Variants in RELN observed in about 807,000 individuals in gnomAD.
RELN encodes reelin.
A neutral mutation model predicts 427.6 loss-of-function variants in RELN; 108 were observed. The ratio of observed to expected loss-of-function variants is 0.25; its 90% confidence interval spans 0.22 to 0.30. RELN has a LOEUF of 0.30. Ranked by LOEUF, RELN falls within the 10% of genes least tolerant of loss-of-function variation. The pLI is 1.00. For missense variants in RELN, 3,715 were observed against 4,302.8 expected (o/e 0.86, Z 3.82); for synonymous variants, 1,524 against 1,513.4 (o/e 1.01, Z -0.16).
At chr7:103,970,434 C>T (rs1796740592) in intron 1 of RELN, among the ~76,000 whole-genome samples, 1 of 152,178 alleles carries the variant, frequency 6.6e-6, no homozygotes, top group African/African-American at 2.4e-5. Flanking sequence ...CATGAGCCAC[C>T]ACTCCCGGCC....
At chr7:103,542,580 G>A (rs1562881212) in intron 43 of RELN, 151 bp downstream of exon 43, 3 of 733,414 alleles carry the variant, frequency 4.1e-6, no homozygotes, top group Admixed American at 2.6e-5. Flanking sequence ...TGTAACTTGT[G>A]TCTTCCTGAA....
At chr7:103,675,742 C>G (rs1316825735) in intron 11 of RELN, among the ~76,000 whole-genome samples, 1 of 152,200 alleles carries the variant, frequency 6.6e-6, no homozygotes, top group African/African-American at 2.4e-5. Context: ...CACACATCTA[C>G]AACCATCTGG....
At chr7:103,898,974 G>A (rs1187823663) in intron 2 of RELN, among the ~76,000 whole-genome samples, 1 of 151,926 alleles carries the variant, frequency 6.6e-6, no homozygotes, top group Non-Finnish European at 1.5e-5. Flanking sequence ...AGTCATGATG[G>A]ATTATTCTTT....
At chr7:103,604,980 C>G (rs1298936659) in intron 22 of RELN, among the ~76,000 whole-genome samples, 1 of 152,110 alleles carries the variant, frequency 6.6e-6, no homozygotes, top group Admixed American at 6.5e-5. Context: ...CAGGCACACA[C>G]CAACATGCCT....
At chr7:103,878,046 A>G (rs745586046) in intron 2 of RELN, among the ~76,000 whole-genome samples, 10 of 151,896 alleles carry the variant, frequency 6.6e-5, no homozygotes, top group Non-Finnish European at 1.2e-4. Flanking sequence ...TAGTAGACAT[A>G]GGGTTTTGCC....
intron 8 of RELN, among the ~76,000 whole-genome samples, chr7:103,718,855 C>T (rs1228208301): frequency 6.6e-6 from 1 of 152,024 alleles, no homozygotes; most frequent in East Asian, 1.9e-4. Flanking sequence ...CTAATGAATC[C>T]TATTAATCTG....
intron 20 of RELN, among the ~76,000 whole-genome samples, chr7:103,621,939 C>G (rs770427638): frequency 3.3e-5 from 5 of 152,142 alleles, no homozygotes; most frequent in Admixed American, 2.0e-4. Flanking sequence ...TCACTTGAAC[C>G]TGGGAGGCAG....
Position 103,651,649 on chromosome 7 carries a change from G to C in RELN, c.1892+12C>G. The C allele has an allele frequency of 6.2e-7, 1 of 1,609,550 alleles. No homozygotes were observed. Among genetic ancestry groups the C allele is most frequent in the Non-Finnish European group, 8.5e-7 (1 of 1,176,592 alleles). ...TTCAAGTATTTCAATATCTCAGAGAGAATGTACTCACCCACTGTAGTTTTC... is the reference window on the plus strand; with the variant it reads ...TTCAAGTATTTCAATATCTCAGAGACAATGTACTCACCCACTGTAGTTTTC... On this transcript the variant is annotated intron_variant, in intron 15 of 64. Coordinates refer to ENST00000428762, the MANE Select transcript of RELN (RefSeq NM_005045.4).
At chr7:103,507,808 G>T (rs1456402513) in intron 51 of RELN, among the ~76,000 whole-genome samples, 1 of 152,148 alleles carries the variant, frequency 6.6e-6, no homozygotes, top group Non-Finnish European at 1.5e-5. Flanking sequence ...AGGAAGAAAA[G>T]AGAGAAGGAT....
At chr7:103,909,811 A>G (rs1256480627) in intron 2 of RELN, among the ~76,000 whole-genome samples, 1 of 49,226 alleles carries the variant, frequency 2.0e-5, no homozygotes, top group Admixed American at 3.1e-4. Flanking sequence ...TTAATATATA[A>G]TATTATATAT....
chr7:103,757,194 G>A (rs965317622), intron 4 of RELN, among the ~76,000 whole-genome samples: 2 of 152,076 alleles, frequency 1.3e-5, no homozygotes, highest in African/African-American at 4.8e-5. Context: ...ATATGAACTT[G>A]GTATAAAGGC....
At chr7:103,898,424 C>T (rs1795009839) in intron 2 of RELN, among the ~76,000 whole-genome samples, 1 of 151,854 alleles carries the variant, frequency 6.6e-6, no homozygotes, top group Admixed American at 6.6e-5. Flanking sequence ...GATATACAAA[C>T]TGTTTGTATT....
intron 2 of RELN, among the ~76,000 whole-genome samples, chr7:103,893,205 C>A (rs1200676243): frequency 6.6e-6 from 1 of 152,072 alleles, no homozygotes; most frequent in Non-Finnish European, 1.5e-5. Flanking sequence ...AGAGCCAGAC[C>A]CCCCAGAAAT....
intron 1 of RELN, among the ~76,000 whole-genome samples, chr7:103,978,638 G>T (rs531526993): frequency 6.6e-6 from 1 of 152,150 alleles, no homozygotes; most frequent in Non-Finnish European, 1.5e-5. Flanking sequence ...AATAATTGAG[G>T]TGAATCTGAT....
At position 103,593,779 on chromosome 7, in the gene RELN, G is replaced by A. The variant is rs375784624; in HGVS notation, c.3815C>T (p.Ala1272Val). ...TCCAAATATCATTGCTGATGGTGTG[G>A]CAGCACAGAAGGTTTCATTTTTAAC... ...GMVKNETFCA[A>V]TPSAMIFGKS... Residue 1272 changes from alanine to valine, a missense_variant, in exon 27 of 65, where the codon GCC becomes GTC. Physicochemically the swap from Ala to Val is moderately conservative, Grantham distance 64. Transcript: ENST00000428762. 12 of 1,613,310 alleles carry A rather than the reference G, an allele frequency of 7.4e-6. No homozygotes were observed. The highest frequency in any genetic ancestry group is 9.3e-6 in the Non-Finnish European group (11 of 1,179,340).
At chr7:103,683,962 T>C (rs75043043) in intron 10 of RELN, among the ~76,000 whole-genome samples, 2,504 of 152,266 alleles carry the variant, frequency 0.016, 66 homozygotes, top group African/African-American at 0.056. Flanking sequence ...GAGATCAAGA[T>C]ATGATTTCTA....
intron 31 of RELN, among the ~76,000 whole-genome samples, chr7:103,570,928 C>T (rs1830868849): frequency 1.3e-5 from 2 of 152,090 alleles, no homozygotes; most frequent in Admixed American, 1.3e-4. Context: ...TCAATAAAAG[C>T]ACCTAGAACA....
At chr7:103,727,146 C>A (rs1193362614) in intron 7 of RELN, among the ~76,000 whole-genome samples, 1 of 152,056 alleles carries the variant, frequency 6.6e-6, no homozygotes, top group East Asian at 1.9e-4. Context: ...CACCCCCTGC[C>A]CCACAATTTA....
intron 1 of RELN, among the ~76,000 whole-genome samples, chr7:103,957,332 CG>C (rs1796453758): frequency 6.6e-6 from 1 of 152,042 alleles, no homozygotes; most frequent in Admixed American, 6.6e-5. Flanking sequence ...ATAATTAGCT[CG>C]GGGATGCAAA....
Sources: allele counts gnomAD v4.1 joint callset (sites outside exome capture counted in the v4.1 genomes callset), GRCh38; gene constraint gnomAD v4.1.1; transcripts MANE v1.5; gene names NCBI Gene and HGNC (gene_info 2026-07-23, HGNC 2026-07-21).